EXOC4: variants seen among roughly 807,000 people sequenced by gnomAD.
EXOC4 encodes the protein SEC8-like 1.
In EXOC4, 71 loss-of-function variants were observed where a neutral mutation model predicts 107.2. That is an observed-to-expected ratio of 0.66 (90% confidence interval 0.55 to 0.81). The LOEUF (loss-of-function observed/expected upper bound fraction) is 0.81. EXOC4 is among the 30% of genes least tolerant of loss of function. The pLI, the probability that EXOC4 is intolerant of heterozygous loss-of-function variation, is 0.00. For missense variants in EXOC4, 1,108 were observed against 1,189.6 expected, an observed-to-expected ratio of 0.93 and a Z score of 1.01; for synonymous variants, 456 against 441.2, an observed-to-expected ratio of 1.03 and a Z score of -0.42.
intron 9 of EXOC4, among the ~76,000 whole-genome samples, chr7:133,609,780 C>G (rs942664236): frequency 2.6e-5 from 4 of 152,216 alleles, no homozygotes; most frequent in Admixed American, 6.5e-5. Context: ...TCTCTTCCCA[C>G]TGAACATTCT....
At chr7:133,939,932 A>G (rs889934415) in intron 14 of EXOC4, among the ~76,000 whole-genome samples, 3 of 152,192 alleles carry the variant, frequency 2.0e-5, no homozygotes, top group Non-Finnish European at 2.9e-5. Flanking sequence ...GTCAGAAAGA[A>G]CTAATTTTTT....
At chr7:133,615,544 A>G (rs918634288) in intron 9 of EXOC4, among the ~76,000 whole-genome samples, 1 of 152,186 alleles carries the variant, frequency 6.6e-6, no homozygotes, top group Non-Finnish European at 1.5e-5. Flanking sequence ...TGGGAGAAGC[A>G]ACCCTATCCT....
chr7:133,500,633 C>A (rs1167160650), intron 9 of EXOC4, among the ~76,000 whole-genome samples: 1 of 152,104 alleles, frequency 6.6e-6, no homozygotes, highest in Non-Finnish European at 1.5e-5. Flanking sequence ...GGACAGTATT[C>A]CCTGAGGAAC....
intron 9 of EXOC4, among the ~76,000 whole-genome samples, chr7:133,549,519 C>T (rs146120869): frequency 1.3e-5 from 2 of 151,774 alleles, no homozygotes; most frequent in African/African-American, 2.4e-5. Context: ...TTCGTGGTGC[C>T]CCAAACCATT....
chr7:133,474,848 A>G (rs1798971328), intron 7 of EXOC4, among the ~76,000 whole-genome samples: 2 of 152,056 alleles, frequency 1.3e-5, no homozygotes, highest in Non-Finnish European at 2.9e-5. Context: ...TGTAAGCCCC[A>G]TTTCTTTATC....
At chr7:133,971,214 G>C (rs949951800) in intron 14 of EXOC4, among the ~76,000 whole-genome samples, 4 of 151,568 alleles carry the variant, frequency 2.6e-5, no homozygotes, top group African/African-American at 4.9e-5. Flanking sequence ...GACTTGACGA[G>C]TAAGAGATTG....
At chr7:133,964,474 C>A (rs894814964) in intron 14 of EXOC4, among the ~76,000 whole-genome samples, 1 of 152,108 alleles carries the variant, frequency 6.6e-6, no homozygotes, top group Non-Finnish European at 1.5e-5. Flanking sequence ...GCTCTCCCTC[C>A]CCTAGCCCCC....
chr7:133,779,785 A>G (rs1374532175), intron 10 of EXOC4, among the ~76,000 whole-genome samples: 3 of 152,166 alleles, frequency 2.0e-5, no homozygotes. Context: ...AGCACACTGT[A>G]AAATGGACCA....
chr7:133,880,197 A>G (rs776256087), intron 11 of EXOC4, among the ~76,000 whole-genome samples: 2 of 152,006 alleles, frequency 1.3e-5, no homozygotes, highest in Admixed American at 6.6e-5. Context: ...CTTCTCTTGG[A>G]CTATCACTGT....
intron 7 of EXOC4, among the ~76,000 whole-genome samples, chr7:133,442,958 G>A (rs757340174): frequency 1.3e-5 from 2 of 152,174 alleles, no homozygotes; most frequent in Non-Finnish European, 2.9e-5. Context: ...TGAAAGATGA[G>A]GGTGAACACC....
intron 5 of EXOC4, among the ~76,000 whole-genome samples, chr7:133,335,118 C>T (rs1228509293): frequency 1.3e-5 from 2 of 152,016 alleles, no homozygotes; most frequent in East Asian, 1.9e-4. Context: ...GGAGGTGTAT[C>T]GTTAAATTTC....
intron 4 of EXOC4, among the ~76,000 whole-genome samples, chr7:133,309,558 C>T (rs144239258): frequency 1.1e-3 from 171 of 152,118 alleles, no homozygotes; most frequent in African/African-American, 4.1e-3. Flanking sequence ...GGACCACATA[C>T]CATTAAATAG....
intron 13 of EXOC4, among the ~76,000 whole-genome samples, chr7:133,933,478 T>C (rs894745355): frequency 2.0e-5 from 3 of 152,198 alleles, no homozygotes; most frequent in African/African-American, 7.2e-5. Flanking sequence ...GAGTGCCTGT[T>C]ACCTCTGAGT....
intron 9 of EXOC4, among the ~76,000 whole-genome samples, chr7:133,486,899 T>A (rs949697186): frequency 2.0e-5 from 3 of 152,198 alleles, no homozygotes; most frequent in Non-Finnish European, 4.4e-5. Flanking sequence ...TATACTTTCC[T>A]CAAGTCATGA....
intron 10 of EXOC4, among the ~76,000 whole-genome samples, chr7:133,772,982 C>T (rs75901435): frequency 0.038 from 5,732 of 152,052 alleles, 156 homozygotes; most frequent in Middle Eastern, 0.1. Flanking sequence ...TTACAGTGAG[C>T]GTCAGTGGGG....
intron 5 of EXOC4, among the ~76,000 whole-genome samples, chr7:133,345,665 C>CT (rs1795768224): frequency 6.6e-6 from 1 of 152,140 alleles, no homozygotes; most frequent in Non-Finnish European, 1.5e-5. Context: ...GGTTTTTACT[C>CT]TATCTCCCCT....
intron 12 of EXOC4, among the ~76,000 whole-genome samples, chr7:133,902,098 A>G (rs1266442284): frequency 6.6e-6 from 1 of 152,204 alleles, no homozygotes; most frequent in African/African-American, 2.4e-5. Flanking sequence ...TTCATGAACT[A>G]TGTTTTAATT....
intron 10 of EXOC4, among the ~76,000 whole-genome samples, chr7:133,724,065 A>G (rs1795164752): frequency 6.6e-6 from 1 of 152,230 alleles, no homozygotes; most frequent in African/African-American, 2.4e-5. Flanking sequence ...AACTTATGTG[A>G]GAGCCAAAAA....
intron 13 of EXOC4, among the ~76,000 whole-genome samples, chr7:133,934,268 C>T (rs914242385): frequency 4.6e-5 from 7 of 152,180 alleles, no homozygotes; most frequent in African/African-American, 1.7e-4. Context: ...CCACCAAGCT[C>T]TTTGACACAC....
Sources: allele counts gnomAD v4.1 joint callset (sites outside exome capture counted in the v4.1 genomes callset), GRCh38; gene constraint gnomAD v4.1.1; transcripts MANE v1.5; gene names NCBI Gene and HGNC (gene_info 2026-07-23, HGNC 2026-07-21).